The following BMS1 variants were observed in gnomAD, a reference collection of about 807,000 sequenced individuals.
BMS1 encodes ribosome biogenesis protein BMS1 homolog.
Under a neutral mutation model 138.7 loss-of-function variants are expected in BMS1, and 53 were observed. The ratio of observed to expected loss-of-function variants is 0.38; its 90% CI spans 0.31 to 0.48. BMS1 has a LOEUF of 0.48. Among genes scored for constraint, BMS1 ranks in the 20% least tolerant of loss-of-function variants. BMS1 has a pLI of 0.97. For missense variants in BMS1, 1,360 were observed against 1,565.5 expected (o/e 0.87, Z 2.22); for synonymous variants, 504 against 539.9 (o/e 0.93, Z 0.92).
At chr10:42,802,996 C>T (rs564748372) in intron 13 of BMS1, among the ~76,000 whole-genome samples, 7 of 152,072 alleles carry the variant, frequency 4.6e-5, no homozygotes, top group African/African-American at 1.7e-4. Context: ...TGGATTGCAA[C>T]TGCCACATGG....
intron 4 of BMS1, among the ~76,000 whole-genome samples, chr10:42,787,897 C>T (rs1841386015): frequency 6.6e-6 from 1 of 152,154 alleles, no homozygotes; most frequent in Non-Finnish European, 1.5e-5. Flanking sequence ...ATAGTGTTCA[C>T]TATTCTGATA....
chr10:42,819,626 T>C (rs1842445234), intron 15 of BMS1, among the ~76,000 whole-genome samples: 1 of 152,068 alleles, frequency 6.6e-6, no homozygotes, highest in Admixed American at 6.5e-5. Context: ...GTGAAAGAAT[T>C]GTTCAGAAAG....
intron 4 of BMS1, 37 bp from the exon 5 acceptor site, chr10:42,790,285 TG>T (rs1185708671): frequency 1.2e-6 from 2 of 1,607,760 alleles, no homozygotes; most frequent in African/African-American, 2.7e-5. Context: ...TGGTCTGTTT[TG>T]GTAGTTTCTT....
At chr10:42,800,525 ATT>A (rs71533043) in intron 12 of BMS1, among the ~76,000 whole-genome samples, 45 of 131,282 alleles carry the variant, frequency 3.4e-4, no homozygotes, top group Admixed American at 5.4e-4. Flanking sequence ...TAAATGCTTG[ATT>A]TTTTTTTTTT....
rs1841252710 is a variant in BMS1 at position 42,784,340 on chromosome 10, A to T, written c.-33-22A>T. 1.5e-5 allele frequency: 22 copies of T among 1,505,626 alleles called. 1 individual carries two copies. The South Asian group carries it at 2.4e-4, about 16-fold the overall frequency. 93.3% of individuals were successfully genotyped at this position (1,505,626 alleles called of 1,614,324 possible). On this transcript the variant is annotated intron_variant, in intron 1 of 22. Coordinates refer to ENST00000374518, the MANE Select transcript of BMS1 (RefSeq NM_014753.4). ...TGTAAAATGCTTCTCCCATCTCCTT[A>T]CCCCAACCTTCTTCCTTGTAGGTTA... is the stretch of plus-strand genomic sequence containing the variant.
At chr10:42,805,080 A>G (rs562174199) in intron 13 of BMS1, among the ~76,000 whole-genome samples, 21 of 152,228 alleles carry the variant, frequency 1.4e-4, no homozygotes, top group African/African-American at 2.9e-4. Flanking sequence ...GCCTCACCCA[A>G]TGTCACAAAT....
intron 13 of BMS1, among the ~76,000 whole-genome samples, chr10:42,804,504 T>C (rs1485257002): frequency 1.3e-5 from 2 of 152,192 alleles, no homozygotes; most frequent in Non-Finnish European, 2.9e-5. Context: ...CATGTGCTTA[T>C]TTGCCGTCTG....
At position 42,822,147 on chromosome 10, in the gene BMS1, T is replaced by C. The variant is rs748377131; in HGVS notation, c.3095T>C (p.Phe1032Ser). The C allele has an allele frequency of 6.6e-7, 1 of 1,514,360 alleles. No homozygotes were observed. Among genetic ancestry groups the C allele is most frequent in the South Asian group, 1.1e-5 (1 of 88,356 alleles). 93.8% of individuals were successfully genotyped at this position (1,514,360 alleles called of 1,614,324 possible). A position where few individuals can be genotyped will look rare whatever the true frequency, so the allele number is the denominator to read the frequency against. Residue 1032 changes from phenylalanine to serine, a missense_variant, in exon 19 of 23, where the codon TTT becomes TCT. By Grantham distance (155) the Phe-to-Ser change is radical. Coordinates refer to ENST00000374518, the MANE Select transcript of BMS1 (RefSeq NM_014753.4). ...KIVKKLKLTG[F>S]PYKIFKNTSF... The stretch of plus-strand genomic sequence containing the variant: ...GTGAAGAAATTAAAGCTAACTGGTT[T>C]TCCATATAAAATTTTCAAGAACACT...
In BMS1 at chr10:42,811,520, C is replaced by CTTTTTTTTTTTTTTTT. The variant is rs879940551; in HGVS notation, c.2330-5074_2330-5073insTTTTTTTTTTTTTTTT. On this transcript the variant is annotated intron_variant, in intron 13 of 22. Coordinates refer to ENST00000374518, the MANE Select transcript of BMS1 (RefSeq NM_014753.4). Reference sequence around the variant, plus strand: ...CACAAATGTTCACGTGTTGTATTTTCTTTTTCTTTTTTTTTTTTTTTTGAG... The same window carrying CTTTTTTTTTTTTTTTT: ...CACAAATGTTCACGTGTTGTATTTTCTTTTTTTTTTTTTTTTTTTTTCTTTTTTTTTTTTTTTTGAG... Among the ~76,000 whole-genome samples, 2 of 121,568 alleles carry CTTTTTTTTTTTTTTTT rather than the reference C, an allele frequency of 1.6e-5. 1 individual carries two copies. Among genetic ancestry groups the CTTTTTTTTTTTTTTTT allele is most frequent in the African/African-American group, 6.7e-5 (2 of 29,838 alleles). 79.8% of individuals were successfully genotyped at this position (121,568 alleles called of 152,430 possible). A position where few individuals can be genotyped will look rare whatever the true frequency, so the allele number is the denominator to read the frequency against.
chr10:42,814,920 T>C (rs1277385450), intron 13 of BMS1, among the ~76,000 whole-genome samples: 1 of 152,132 alleles, frequency 6.6e-6, no homozygotes, highest in Non-Finnish European at 1.5e-5. Flanking sequence ...TATTGCTACG[T>C]TGGGAGTTGG....
chr10:42,821,935 G>A, intron 18 of BMS1, 127 bp from the exon 19 acceptor site: 2 of 1,012,686 alleles, frequency 2.0e-6, no homozygotes, highest in Non-Finnish European at 3.0e-6. Flanking sequence ...AAGTTCACAT[G>A]GTCTCTCTTG....
chr10:42,791,577 T>G (rs1200254218), intron 5 of BMS1, 50 bp from the exon 6 acceptor site: 1 of 1,518,582 alleles, frequency 6.6e-7, no homozygotes, highest in African/African-American at 1.4e-5. Context: ...GTTGCAGTAT[T>G]GATGATAATT....
chr10:42,816,049 C>G (rs1286874485), intron 13 of BMS1, among the ~76,000 whole-genome samples: 2 of 152,038 alleles, frequency 1.3e-5, no homozygotes, highest in Non-Finnish European at 2.9e-5. Context: ...TGGCTGTAAT[C>G]CCAGCACTTT....
chr10:42,817,393 G>T lies in BMS1; in HGVS notation c.2479G>T (p.Asp827Tyr). The T allele has an allele frequency of 6.2e-7, 1 of 1,610,422 alleles. No individual in the cohort carries two copies. The change falls in exon 15 of 23, where the codon GAT becomes TAT. Residue 827 changes from aspartate (D) to tyrosine (Y), a missense_variant. Coordinates refer to ENST00000374518, the MANE Select transcript of BMS1 (RefSeq NM_014753.4). Reference sequence around the variant, plus strand: ...AGAAAGTGCCAAGAAAAAGCATTTGGATAAGAAGAGAAAATTGAAGGAGAT... The same window carrying T: ...AGAAAGTGCCAAGAAAAAGCATTTGTATAAGAAGAGAAAATTGAAGGAGAT... ...EEESAKKKHLDKKRKLKEMFD... is the reference protein window; with the variant it reads ...EEESAKKKHLYKKRKLKEMFD...
Position 42,831,206 on chromosome 10 carries a change from T to C in BMS1, c.*110T>C. On this transcript the variant is annotated 3_prime_UTR_variant, in exon 23 of 23. Coordinates refer to ENST00000374518, the MANE Select transcript of BMS1 (RefSeq NM_014753.4). ...TCAGTGGGAAAGAGCTCAAGAGATG[T>C]CTCTACTCAAACTGTGCCTGCAGGA... 1.7e-6 allele frequency: 2 copies of C among 1,156,388 alleles called. No homozygotes were observed. The highest frequency in any genetic ancestry group is 2.4e-6 in the Non-Finnish European group (2 of 827,502). The allele number at this position is 1,156,388 out of a possible 1,614,324, so 71.6% of individuals were successfully genotyped here.
At chr10:42,804,914 C>T (rs574463775) in intron 13 of BMS1, among the ~76,000 whole-genome samples, 4 of 152,070 alleles carry the variant, frequency 2.6e-5, no homozygotes, top group East Asian at 1.9e-4. Context: ...GATGGGGTTT[C>T]GCCATGTTGG....
chr10:42,823,339 C>T, intron 20 of BMS1, 74 bp downstream of exon 20: 1 of 1,481,322 alleles, frequency 6.8e-7, no homozygotes, highest in South Asian at 1.5e-5. Context: ...TGACGAGAGG[C>T]TGGAGTCAGG....
intron 1 of BMS1, 96 bp from the exon 2 acceptor site, chr10:42,784,266 A>AT: frequency 1.1e-6 from 1 of 903,000 alleles, no homozygotes; most frequent in Admixed American, 2.6e-5. Context: ...TCATCTCTTC[A>AT]TAAAGAAATA....
intron 12 of BMS1, 96 bp from the exon 13 acceptor site, chr10:42,802,041 A>G (rs1841888872): frequency 4.6e-6 from 4 of 875,820 alleles, no homozygotes; most frequent in African/African-American, 3.4e-5. Flanking sequence ...AAAGTGGGAA[A>G]TATTTAAAGG....
Sources: allele counts gnomAD v4.1 joint callset (sites outside exome capture counted in the v4.1 genomes callset), GRCh38; gene constraint gnomAD v4.1.1; transcripts MANE v1.5; gene names NCBI Gene and HGNC (gene_info 2026-07-23, HGNC 2026-07-21).